Variants in SLC27A1 observed in about 807,000 individuals in gnomAD.
SLC27A1 encodes solute carrier family 27 member 1, also known as long-chain fatty acid transport protein 1.
SLC27A1 carries 61 observed loss-of-function variants against 62.2 expected under a neutral mutation model. That is an observed-to-expected ratio of 0.98 (90% CI 0.80 to 1.21). The LOEUF (loss-of-function observed/expected upper bound fraction) is 1.21, where lower values mean the gene tolerates loss of function less well. SLC27A1 is among the 50% of genes most tolerant of loss of function. The pLI is 0.00. For missense variants in SLC27A1, 903 were observed against 932.1 expected (o/e 0.97, Z 0.41); for synonymous variants, 435 against 408.6 (o/e 1.06, Z -0.78).
At chr19:17,476,568 C>T (rs1410513825) in intron 1 of SLC27A1, among the ~76,000 whole-genome samples, 4 of 149,798 alleles carry the variant, frequency 2.7e-5, no homozygotes, top group Middle Eastern at 3.5e-3. Context: ...AAAAAAAAGA[C>T]GCAGGCATTG....
intron 9 of SLC27A1, 37 bp downstream of exon 9, chr19:17,500,669 G>C (rs148050053): frequency 6.2e-7 from 1 of 1,613,998 alleles, no homozygotes; most frequent in African/African-American, 1.3e-5. Flanking sequence ...CTGGCTGTGC[G>C]GATGGGGATC....
chr19:17,485,412 TCTG>T (rs2075219715), intron 1 of SLC27A1, among the ~76,000 whole-genome samples: 1 of 151,720 alleles, frequency 6.6e-6, no homozygotes, highest in Non-Finnish European at 1.5e-5. Context: ...ATGGTCTCAA[TCTG>T]CTGACCTCAT....
intron 1 of SLC27A1, among the ~76,000 whole-genome samples, chr19:17,472,422 AT>A (rs1399838205): frequency 1.3e-5 from 2 of 151,814 alleles, no homozygotes; most frequent in East Asian, 3.9e-4. Context: ...TAGAATTAGA[AT>A]TGAGGCCATA....
At chr19:17,499,864 A>G (rs2075390340) in intron 7 of SLC27A1, 1 of 170,382 alleles carries the variant, frequency 5.9e-6, no homozygotes, top group Non-Finnish European at 1.3e-5. Flanking sequence ...AAAAGCAGAA[A>G]GAAACACACC....
chr19:17,488,727 G>A, intron 4 of SLC27A1, 121 bp from the exon 5 acceptor site: 1 of 791,734 alleles, frequency 1.3e-6, no homozygotes, highest in Non-Finnish European at 2.1e-6. Flanking sequence ...CTGCCAGCCT[G>A]TGAACTCATG....
intron 6 of SLC27A1, chr19:17,496,995 C>T: frequency 2.4e-6 from 1 of 421,506 alleles, no homozygotes; most frequent in Non-Finnish European, 4.2e-6. Flanking sequence ...TGCACTCCAG[C>T]CTGGGCGGCA....
chr19:17,500,780 T>G lies in SLC27A1; in HGVS notation c.1540T>G (p.Trp514Gly), dbSNP rs1218009754. The G allele has an allele frequency of 6.2e-7, 1 of 1,613,146 alleles. No individual in the cohort carries two copies. ...FRDRSGDTFR[W>G]RGENVSTTEV... ...GGACCGTAGCGGGGACACCTTCCGC[T>G]GGCGAGGGGAGAACGTCTCCACCAC... is the stretch of plus-strand genomic sequence containing the variant. The change falls in exon 10 of 12, where the codon TGG becomes GGG. Residue 514 changes from tryptophan (W) to glycine (G), a missense_variant. Trp to Gly is a radical substitution (Grantham distance 184). Transcript: ENST00000252595.
chr19:17,500,234 C>A, intron 7 of SLC27A1, 44 bp from the exon 8 acceptor site: 1 of 1,599,022 alleles, frequency 6.3e-7, no homozygotes, highest in Non-Finnish European at 8.5e-7. Context: ...GAGAAGGACC[C>A]CGCATATCCC....
At chr19:17,485,520 T>C (rs959279864) in intron 1 of SLC27A1, among the ~76,000 whole-genome samples, 2 of 151,690 alleles carry the variant, frequency 1.3e-5, no homozygotes, top group African/African-American at 4.8e-5. Flanking sequence ...TTTGTTTGTT[T>C]GTTTGTTTGT....
At chr19:17,483,535 C>A (rs2144566722) in intron 1 of SLC27A1, among the ~76,000 whole-genome samples, 1 of 152,124 alleles carries the variant, frequency 6.6e-6, no homozygotes, top group Admixed American at 6.6e-5. Flanking sequence ...GAGGGGCCTT[C>A]TAGGGGCTTC....
chr19:17,485,279 T>C (rs569342331), intron 1 of SLC27A1, among the ~76,000 whole-genome samples: 3 of 148,734 alleles, frequency 2.0e-5, no homozygotes, highest in African/African-American at 7.3e-5. Flanking sequence ...AACCTCTGCC[T>C]GCTGTGTTTA....
rs927709547 is a variant in SLC27A1, at chr19:17,470,529, T to C, written c.-12T>C. On this transcript the variant is annotated 5_prime_UTR_variant, in exon 1 of 12. Coordinates refer to ENST00000252595, the MANE Select transcript of SLC27A1 (RefSeq NM_198580.3). ...AGCGGCCCGCGGCCTCAGCTCTCTC[T>C]GCTTCCCCAGGATGCGGGCTCCGGG... 10 of 1,541,466 alleles carry C rather than the reference T, an allele frequency of 6.5e-6. No homozygotes were observed. Among genetic ancestry groups the C allele is most frequent in the African/African-American group, 5.7e-5 (4 of 70,508 alleles).
intron 1 of SLC27A1, among the ~76,000 whole-genome samples, chr19:17,471,615 G>A (rs1568407974): frequency 6.6e-6 from 1 of 152,072 alleles, no homozygotes; most frequent in Non-Finnish European, 1.5e-5. Flanking sequence ...GCCGGCTAGC[G>A]GGGCAGGGCT....
In SLC27A1 at chr19:17,487,346, G is replaced by A; in HGVS notation, c.724+11G>A. The A allele has an allele frequency of 6.2e-7, 1 of 1,602,568 alleles. No homozygotes were observed. Among genetic ancestry groups the A allele is most frequent in the South Asian group, 1.1e-5 (1 of 89,674 alleles). ...GCAAGGGCATGGACGGTGAGTCAAGGGTGGGACCCCTGCTCTATCAACTGG... is the reference window on the plus strand; with the variant it reads ...GCAAGGGCATGGACGGTGAGTCAAGAGTGGGACCCCTGCTCTATCAACTGG... On this transcript the variant is annotated intron_variant, in intron 3 of 11. Transcript: ENST00000252595.
chr19:17,489,448 C>A (rs1642425575), intron 6 of SLC27A1, among the ~76,000 whole-genome samples: 1 of 151,982 alleles, frequency 6.6e-6, no homozygotes, highest in South Asian at 2.1e-4. Context: ...TGCTCTGTGT[C>A]CAGACCAGAG....
chr19:17,499,147 TA>T, intron 7 of SLC27A1: 1 of 214,496 alleles, frequency 4.7e-6, no homozygotes, highest in Non-Finnish European at 9.4e-6. Context: ...CCCGGTCCAC[TA>T]AGTAGCAGGT....
chr19:17,490,362 C>T (rs539207411), intron 6 of SLC27A1, among the ~76,000 whole-genome samples: 1 of 152,124 alleles, frequency 6.6e-6, no homozygotes, highest in Non-Finnish European at 1.5e-5. Flanking sequence ...CCATGTTGCC[C>T]AGGCTGGTCT....
chr19:17,477,453 A>G (rs2075135831), intron 1 of SLC27A1, among the ~76,000 whole-genome samples: 2 of 150,592 alleles, frequency 1.3e-5, no homozygotes, highest in Non-Finnish European at 3.0e-5. Context: ...CATGTTGACC[A>G]GGGTGGTCTC....
At chr19:17,493,420 T>A (rs1329437527) in intron 6 of SLC27A1, among the ~76,000 whole-genome samples, 2 of 74,324 alleles carry the variant, frequency 2.7e-5, no homozygotes, top group Admixed American at 2.2e-4. Context: ...AGAGCACAAC[T>A]CCATCTCAAA....
Sources: allele counts gnomAD v4.1 joint callset (sites outside exome capture counted in the v4.1 genomes callset), GRCh38; gene constraint gnomAD v4.1.1; transcripts MANE v1.5; gene names NCBI Gene and HGNC (gene_info 2026-07-23, HGNC 2026-07-21).